Variants in FSHR observed in about 807,000 individuals in gnomAD.
The protein encoded by FSHR is follicle-stimulating hormone receptor.
A neutral mutation model predicts 52.1 loss-of-function variants in FSHR; 46 were observed. The ratio of observed to expected loss-of-function variants is 0.88; its 90% CI spans 0.70 to 1.13. The LOEUF is 1.13. Ranked by LOEUF, FSHR falls within the 50% of genes most tolerant of loss-of-function variation. The pLI is 0.00. For missense variants in FSHR, 964 were observed against 834.6 expected, an observed-to-expected ratio of 1.16 and a Z score of -1.91; for synonymous variants, 399 against 309.6, an observed-to-expected ratio of 1.29 and a Z score of -3.03.
chr2:48,964,983 T>C (rs1251442548), intron 9 of FSHR, among the ~76,000 whole-genome samples: 2 of 113,688 alleles, frequency 1.8e-5, no homozygotes, highest in Admixed American at 9.8e-5. Flanking sequence ...CGTTAGGACC[T>C]TTTTGGATGC....
intron 1 of FSHR, among the ~76,000 whole-genome samples, chr2:49,100,959 A>T (rs1415099745): frequency 6.6e-6 from 1 of 152,136 alleles, no homozygotes; most frequent in Non-Finnish European, 1.5e-5. Context: ...AAATCAAAGG[A>T]AGTAGAGAAT....
intron 2 of FSHR, among the ~76,000 whole-genome samples, chr2:49,035,923 A>G (rs1668255694): frequency 6.6e-6 from 1 of 152,238 alleles, no homozygotes; most frequent in Non-Finnish European, 1.5e-5. Context: ...TGCAGAACTT[A>G]GTAACTTTCA....
chr2:49,011,454 T>G (rs1216990569), intron 4 of FSHR, among the ~76,000 whole-genome samples: 2 of 152,120 alleles, frequency 1.3e-5, no homozygotes, highest in Admixed American at 1.3e-4. Context: ...TCCAAGTATG[T>G]GGTCAGTTTT....
At chr2:49,089,330 C>T (rs976866050) in intron 1 of FSHR, among the ~76,000 whole-genome samples, 6 of 151,930 alleles carry the variant, frequency 3.9e-5, no homozygotes, top group Non-Finnish European at 2.9e-5. Context: ...TACCAGAAAT[C>T]AAGATAAATA....
chr2:49,133,872 A>G (rs2103818138), intron 1 of FSHR, among the ~76,000 whole-genome samples: 1 of 152,338 alleles, frequency 6.6e-6, no homozygotes, highest in Non-Finnish European at 1.5e-5. Flanking sequence ...CCATATGTAG[A>G]AAGCTGAAAC....
chr2:49,133,299 G>C (rs1034809640), intron 1 of FSHR, among the ~76,000 whole-genome samples: 2 of 152,116 alleles, frequency 1.3e-5, no homozygotes, highest in Admixed American at 1.3e-4. Context: ...TTGAGAATAT[G>C]GGTCTCTGAT....
At chr2:49,036,106 C>A (rs1657375799) in intron 2 of FSHR, among the ~76,000 whole-genome samples, 1 of 152,020 alleles carries the variant, frequency 6.6e-6, no homozygotes, top group Non-Finnish European at 1.5e-5. Context: ...ATATATGTAC[C>A]ATGTATTTTA....
intron 1 of FSHR, among the ~76,000 whole-genome samples, chr2:49,083,833 A>T: frequency 6.8e-6 from 1 of 146,606 alleles, no homozygotes; most frequent in South Asian, 2.2e-4. Flanking sequence ...AGGAGCACCC[A>T]GATGCATAAA....
chr2:49,029,259 G>C (rs1668017462), intron 2 of FSHR, among the ~76,000 whole-genome samples: 1 of 152,162 alleles, frequency 6.6e-6, no homozygotes, highest in South Asian at 2.1e-4. Flanking sequence ...ACACATCGTG[G>C]CTGCTGTTTA....
intron 1 of FSHR, among the ~76,000 whole-genome samples, chr2:49,137,474 A>C (rs560293155): frequency 1.3e-5 from 2 of 152,110 alleles, no homozygotes; most frequent in Non-Finnish European, 2.9e-5. Context: ...ATTTCTTTGA[A>C]GAAATTGACA....
intron 8 of FSHR, among the ~76,000 whole-genome samples, chr2:48,981,715 G>C (rs977958331): frequency 2.6e-5 from 4 of 152,050 alleles, no homozygotes; most frequent in African/African-American, 7.2e-5. Context: ...TTAAAATTCT[G>C]ACTCTCCATA....
chr2:49,019,937 C>T, intron 3 of FSHR, 149 bp downstream of exon 3: 2 of 787,104 alleles, frequency 2.5e-6, no homozygotes, highest in South Asian at 2.7e-5. Flanking sequence ...AGACACATTA[C>T]AGTGCCTTTT....
At chr2:49,112,121 A>T (rs756868780) in intron 1 of FSHR, among the ~76,000 whole-genome samples, 1 of 152,152 alleles carries the variant, frequency 6.6e-6, no homozygotes, top group Admixed American at 6.6e-5. Flanking sequence ...ATGTATGTGA[A>T]CTTCCTTTAA....
intron 8 of FSHR, among the ~76,000 whole-genome samples, chr2:48,980,875 G>A (rs545452058): frequency 7.2e-5 from 11 of 152,198 alleles, no homozygotes; most frequent in African/African-American, 2.4e-4. Context: ...ATTCTCGGGA[G>A]CAGATAGGTT....
intron 1 of FSHR, among the ~76,000 whole-genome samples, chr2:49,084,311 C>T (rs1670292370): frequency 6.6e-6 from 1 of 151,884 alleles, no homozygotes; most frequent in Non-Finnish European, 1.5e-5. Context: ...AACAAAGACA[C>T]AACATACCAG....
At chr2:48,985,350 C>A (rs900659529) in intron 6 of FSHR, among the ~76,000 whole-genome samples, 2 of 152,184 alleles carry the variant, frequency 1.3e-5, no homozygotes, top group South Asian at 4.1e-4. Context: ...GACGGGCAGA[C>A]TGAGGAACAG....
At chr2:49,042,272 A>T (rs1442446813) in intron 2 of FSHR, among the ~76,000 whole-genome samples, 2 of 152,164 alleles carry the variant, frequency 1.3e-5, no homozygotes, top group Non-Finnish European at 2.9e-5. Flanking sequence ...GGGACATTAA[A>T]CCTGTGGCTG....
chr2:49,094,381 G>T (rs545894853), intron 1 of FSHR, among the ~76,000 whole-genome samples: 1 of 152,172 alleles, frequency 6.6e-6, no homozygotes, highest in Non-Finnish European at 1.5e-5. Context: ...GAGAAGAATA[G>T]TTTACTGTCT....
intron 1 of FSHR, among the ~76,000 whole-genome samples, chr2:49,146,620 C>G (rs541196955): frequency 6.6e-6 from 1 of 152,060 alleles, no homozygotes; most frequent in African/African-American, 2.4e-5. Flanking sequence ...CAGAGGAGCG[C>G]AAGGATTACA....
Sources: allele counts gnomAD v4.1 joint callset (sites outside exome capture counted in the v4.1 genomes callset), GRCh38; gene constraint gnomAD v4.1.1; transcripts MANE v1.5; gene names NCBI Gene and HGNC (gene_info 2026-07-23, HGNC 2026-07-21).